The following NR5A2 variants were observed in gnomAD, a reference collection of about 807,000 sequenced individuals.
The protein encoded by NR5A2 is nuclear receptor subfamily 5 group A member 2.
In NR5A2, 26 loss-of-function variants were observed where a neutral mutation model predicts 62.7. That is an observed-to-expected ratio of 0.41 (90% CI 0.30 to 0.58). The LOEUF is 0.58. NR5A2 is among the 20% of genes least tolerant of loss of function. The pLI is 0.22. For missense variants in NR5A2, 541 were observed against 669.1 expected, an observed-to-expected ratio of 0.81 and a Z score of 2.11; for synonymous variants, 246 against 241.7, an observed-to-expected ratio of 1.02 and a Z score of -0.16.
At chr1:200,137,569 C>T (rs939977783) in intron 7 of NR5A2, among the ~76,000 whole-genome samples, 13 of 152,054 alleles carry the variant, frequency 8.5e-5, no homozygotes, top group African/African-American at 3.1e-4. Context: ...AAATCATTAC[C>T]AGATTATTAG....
intron 7 of NR5A2, among the ~76,000 whole-genome samples, chr1:200,153,704 AT>A (rs1206334907): frequency 1.1e-4 from 16 of 152,156 alleles, no homozygotes; most frequent in African/African-American, 3.9e-4. Context: ...GGAATTGAAA[AT>A]GTACTAAGAA....
chr1:200,072,707 A>G (rs1260294408), intron 5 of NR5A2, among the ~76,000 whole-genome samples: 1 of 152,204 alleles, frequency 6.6e-6, no homozygotes, highest in Admixed American at 6.5e-5. Flanking sequence ...AACACAGGAA[A>G]TATAAATGAA....
Position 200,117,721 on chromosome 1 carries a change from C to CTT in NR5A2, c.1231-3078_1231-3077dup, listed in dbSNP as rs59745790. Among the ~76,000 whole-genome samples the CTT allele has an allele frequency of 4.7e-5, 7 of 148,234 alleles. No individual in the cohort carries two copies. In the East Asian group the frequency reaches 7.8e-4, roughly 17 times the overall value. ...TTAACTAGTGATTTTTTTTTCTTTT[C>CTT]TTTTTTTTTTGAGAGAAGTCTTGCT... On this transcript the variant is annotated intron_variant, in intron 6 of 7. Coordinates refer to ENST00000367362, the MANE Select transcript of NR5A2 (RefSeq NM_205860.3).
chr1:200,173,106 T>A (rs2102399362), intron 7 of NR5A2, among the ~76,000 whole-genome samples: 1 of 152,326 alleles, frequency 6.6e-6, no homozygotes, highest in Non-Finnish European at 1.5e-5. Flanking sequence ...CTTTTTTTAT[T>A]CTGGCTTTCT....
chr1:200,067,071 T>A (rs1263987615), intron 5 of NR5A2, among the ~76,000 whole-genome samples: 2 of 152,208 alleles, frequency 1.3e-5, no homozygotes, highest in African/African-American at 2.4e-5. Context: ...CTAAAAAATT[T>A]AGACATTAGG....
chr1:200,057,393 A>T, intron 5 of NR5A2: 1 of 192,766 alleles, frequency 5.2e-6, no homozygotes, highest in Non-Finnish European at 1.1e-5. Context: ...CTCGTATAAC[A>T]TGTTCTCTGT....
intron 5 of NR5A2, among the ~76,000 whole-genome samples, chr1:200,103,994 G>A (rs1329478445): frequency 6.6e-6 from 1 of 152,190 alleles, no homozygotes; most frequent in Non-Finnish European, 1.5e-5. Context: ...GAAAACTGGG[G>A]TTTGGTGGGA....
chr1:200,155,169 G>C (rs1653319259), intron 7 of NR5A2, among the ~76,000 whole-genome samples: 1 of 152,206 alleles, frequency 6.6e-6, no homozygotes. Flanking sequence ...GTGGGATTAA[G>C]ATTGATAATC....
At chr1:200,136,181 T>C (rs1027381224) in intron 7 of NR5A2, among the ~76,000 whole-genome samples, 1 of 151,980 alleles carries the variant, frequency 6.6e-6, no homozygotes, top group Non-Finnish European at 1.5e-5. Flanking sequence ...ACACCTGCCC[T>C]CTGGGAATGC....
At chr1:200,136,979 C>CT (rs940264496) in intron 7 of NR5A2, among the ~76,000 whole-genome samples, 4 of 151,388 alleles carry the variant, frequency 2.6e-5, no homozygotes, top group Admixed American at 6.6e-5. Flanking sequence ...TTTTCTTTAT[C>CT]TTTTTTTTGA....
intron 7 of NR5A2, among the ~76,000 whole-genome samples, chr1:200,149,057 C>T (rs1033267577): frequency 1.1e-4 from 16 of 152,122 alleles, no homozygotes; most frequent in African/African-American, 3.9e-4. Context: ...GGATTACAGG[C>T]ACCTGCCACC....
chr1:200,171,832 C>A (rs904622577), intron 7 of NR5A2, among the ~76,000 whole-genome samples: 2 of 152,104 alleles, frequency 1.3e-5, no homozygotes, highest in Non-Finnish European at 2.9e-5. Context: ...GTGGATAAAC[C>A]AAAACTTATG....
chr1:200,060,258 T>A (rs1377134439), intron 5 of NR5A2, among the ~76,000 whole-genome samples: 1 of 152,228 alleles, frequency 6.6e-6, no homozygotes, highest in African/African-American at 2.4e-5. Context: ...CTCAGCTGCA[T>A]CTTCATTTAC....
intron 5 of NR5A2, among the ~76,000 whole-genome samples, chr1:200,074,391 T>A (rs74604498): frequency 0.089 from 12,565 of 140,774 alleles, 580 homozygotes; most frequent in African/African-American, 0.14. Context: ...ACCCTGTCTT[T>A]AATCTAAAAG....
At position 200,062,589 on chromosome 1, in the gene NR5A2, T is replaced by C. The variant is rs552593634; in HGVS notation, c.1110+13771T>C. Among the ~76,000 whole-genome samples, 12 of 152,334 alleles carry C rather than the reference T, an allele frequency of 7.9e-5. No individual in the cohort carries two copies. In the South Asian group the frequency reaches 1.9e-3, roughly 24 times the overall value. ...AACAGAATTCTTCAAAAGTTTTCCG[T>C]TGAGTGATGAAAAGCTGTTATATTA... On this transcript the variant is annotated intron_variant, in intron 5 of 7. Transcript: ENST00000367362.
chr1:200,091,484 CTTTTTTT>C (rs35491701), intron 5 of NR5A2, among the ~76,000 whole-genome samples: 1 of 126,518 alleles, frequency 7.9e-6, no homozygotes, highest in Non-Finnish European at 1.6e-5. Context: ...TGCTCTCTTT[CTTTTTTT>C]TTTTTTTTTT....
At chr1:200,077,758 A>G (rs1244699243) in intron 5 of NR5A2, among the ~76,000 whole-genome samples, 1 of 152,120 alleles carries the variant, frequency 6.6e-6, no homozygotes, top group Non-Finnish European at 1.5e-5. Context: ...TTTTGCATCA[A>G]CTTAGTAGTT....
Position 200,120,824 on chromosome 1 carries a change from T to G in NR5A2, c.1247T>G (p.Ile416Arg). 6.4e-7 allele frequency: 1 copy of G among 1,566,976 alleles called. No individual in the cohort carries two copies. Among genetic ancestry groups the G allele is most frequent in the Non-Finnish European group, 8.6e-7 (1 of 1,160,726 alleles). Residue 416 changes from isoleucine (I) to arginine (R), a missense_variant, in exon 7 of 8, where the codon ATA becomes AGA. By Grantham distance (97) the Ile-to-Arg change is moderately conservative. This residue lies in a region of NR5A2 where 379 missense variants were observed against 442.0 expected (regional missense o/e 0.86). Transcript: ENST00000367362. ...VTGQQVDYSI[I>R]ASQAGATLNN... ...GTATTGCAGGTGGACTATTCCATAATAGCATCACAAGCCGGAGCCACCCTC... is the reference window on the plus strand; with the variant it reads ...GTATTGCAGGTGGACTATTCCATAAGAGCATCACAAGCCGGAGCCACCCTC...
chr1:200,095,200 T>G (rs1460739265), intron 5 of NR5A2, among the ~76,000 whole-genome samples: 3 of 151,598 alleles, frequency 2.0e-5, no homozygotes, highest in Non-Finnish European at 4.4e-5. Flanking sequence ...CACTGCATCC[T>G]CAAACTCCTA....
Sources: gnomAD v4.1 joint callset for allele counts (sites outside exome capture counted in the v4.1 genomes callset) on GRCh38, gnomAD v4.1.1 for gene constraint, gnomAD v4.1.1 regional missense constraint, MANE v1.5 for transcripts, NCBI Gene and HGNC (gene_info 2026-07-23, HGNC 2026-07-21) for gene names.